DIP2A: variants seen among roughly 807,000 people sequenced by gnomAD.
DIP2A encodes disco-interacting protein 2 homolog A.
Under a neutral mutation model 177.4 loss-of-function variants are expected in DIP2A, and 85 were observed. The observed-to-expected ratio is 0.48, with a 90% CI of 0.40 to 0.57. DIP2A has a LOEUF of 0.57. Among genes scored for constraint, DIP2A ranks in the 20% least tolerant of loss-of-function variants. DIP2A has a pLI of 0.00. For missense variants in DIP2A, 1,791 were observed against 2,100.2 expected (o/e 0.85, Z 2.88); for synonymous variants, 886 against 881.8 (o/e 1.00, Z -0.08).
intron 18 of DIP2A, among the ~76,000 whole-genome samples, chr21:46,543,382 G>A (rs2059897603): frequency 6.6e-6 from 1 of 152,200 alleles, no homozygotes; most frequent in South Asian, 2.1e-4. Context: ...TGTGGATTAG[G>A]ACAGGACATG....
intron 22 of DIP2A, 112 bp downstream of exon 22, chr21:46,549,997 C>A: frequency 6.5e-7 from 1 of 1,539,524 alleles, no homozygotes; most frequent in Non-Finnish European, 8.7e-7. Context: ...CTGGCTCCAG[C>A]TTTGTTTATC....
chr21:46,514,325 A>G (rs2058449961), intron 8 of DIP2A, among the ~76,000 whole-genome samples: 1 of 151,820 alleles, frequency 6.6e-6, no homozygotes, highest in African/African-American at 2.4e-5. Flanking sequence ...AGTCCCAGCT[A>G]CTTGGCAGGC....
chr21:46,502,116 A>C (rs1024453255), intron 5 of DIP2A, among the ~76,000 whole-genome samples: 1 of 152,104 alleles, frequency 6.6e-6, no homozygotes, highest in African/African-American at 2.4e-5. Context: ...AGTTGTCTCT[A>C]CCTAACATAG....
At position 46,490,695 on chromosome 21, in the gene DIP2A, T is replaced by TCGAGGG. The variant is rs1256410697; in HGVS notation, c.260_265dup (p.Arg88_Asp89insAlaArg). The TCGAGGG allele has an allele frequency of 6.3e-7, 1 of 1,585,536 alleles. No individual in the cohort carries two copies. The highest frequency in any genetic ancestry group is 2.3e-5 in the East Asian group (1 of 43,440). On this transcript the variant is annotated inframe_insertion, in exon 3 of 38. Transcript: ENST00000417564. ...GCAGCAGAAGTCTCGGCCCACCGCC[T>TCGAGGG]CGAGGGATGAGCGCTTCCGGTCAGG...
intron 20 of DIP2A, 120 bp downstream of exon 20, chr21:46,546,081 G>T: frequency 6.5e-7 from 1 of 1,547,664 alleles, no homozygotes; most frequent in Admixed American, 1.8e-5. Context: ...TGTGGCCTTG[G>T]TCGGTGGCGC....
intron 8 of DIP2A, among the ~76,000 whole-genome samples, chr21:46,525,891 A>G (rs994970478): frequency 7.0e-6 from 1 of 142,740 alleles, no homozygotes; most frequent in Non-Finnish European, 1.5e-5. Context: ...TATTATTATT[A>G]TTATTATTAT....
At chr21:46,527,855 G>T (rs991508876) in intron 8 of DIP2A, among the ~76,000 whole-genome samples, 1 of 152,008 alleles carries the variant, frequency 6.6e-6, no homozygotes, top group African/African-American at 2.4e-5. Flanking sequence ...TTCAAGTGTG[G>T]GGGGTTAGAC....
chr21:46,495,246 C>CTT (rs1401692204), intron 3 of DIP2A, among the ~76,000 whole-genome samples: 95 of 88,590 alleles, frequency 1.1e-3, no homozygotes, highest in Admixed American at 2.1e-3. Flanking sequence ...TCTCTTCTTT[C>CTT]TCTCTCTCTC....
chr21:46,520,971 G>A (rs2058797326), intron 8 of DIP2A, among the ~76,000 whole-genome samples: 1 of 152,104 alleles, frequency 6.6e-6, no homozygotes, highest in African/African-American at 2.4e-5. Flanking sequence ...TGGAAAGTTT[G>A]TCAAATATTA....
In DIP2A at chr21:46,532,072, C is replaced by G; in HGVS notation, c.1195-55C>G. On this transcript the variant is annotated intron_variant, in intron 9 of 37. Transcript: ENST00000417564. ...TATTTATAACTAGCTTTTAATTTAA[C>G]TAGATATTGTAAAAATTGGAAATTT... 2.0e-6 allele frequency: 3 copies of G among 1,502,386 alleles called. No homozygotes were observed. The South Asian group carries it at 3.7e-5, about 19-fold the overall frequency. The allele number at this position is 1,502,386 out of a possible 1,614,324, so 93.1% of individuals were successfully genotyped here.
In DIP2A at chr21:46,563,893, C is replaced by A; in HGVS notation, c.4125C>A (p.Thr1375=). Residue 1375 remains threonine, a synonymous_variant, in exon 35 of 38, where the codon ACC becomes ACA. Transcript: ENST00000417564. This position sits in a 1 kb window ranked among gnomAD's most constrained non-coding sequence, Gnocchi z 4.3. ...LPGVKVIIAH[T]ETKGPLGDSH... ...GCGTGAAGGTCATCATCGCACACAC[C>A]GAGACCAAAGGACCCTTGGGAGACT... 1 of 1,613,752 alleles carries A rather than the reference C, an allele frequency of 6.2e-7. No homozygotes were observed. Among genetic ancestry groups the A allele is most frequent in the Non-Finnish European group, 8.5e-7 (1 of 1,179,870 alleles).
At chr21:46,463,782 C>T (rs1339010390) in intron 1 of DIP2A, among the ~76,000 whole-genome samples, 12 of 151,562 alleles carry the variant, frequency 7.9e-5, no homozygotes. Flanking sequence ...GATCTCGGCT[C>T]ACTGCAGCCT....
Position 46,566,690 on chromosome 21 carries a change from G to C in DIP2A, c.4463+7G>C, listed in dbSNP as rs775536392. ...ACAGGAGCATCGCTGAGTGGTAAGA[G>C]CCCAGGTGGAGGGCGGCTTCACGTG... On this transcript the variant is annotated splice_region_variant and intron_variant, in intron 37 of 37. Transcript: ENST00000417564. 1 of 1,613,948 alleles carries C rather than the reference G, an allele frequency of 6.2e-7. No homozygotes were observed. The highest frequency in any genetic ancestry group is 8.5e-7 in the Non-Finnish European group (1 of 1,179,942).
chr21:46,543,279 A>C (rs1353508752), intron 18 of DIP2A, among the ~76,000 whole-genome samples: 4 of 152,204 alleles, frequency 2.6e-5, no homozygotes, highest in Non-Finnish European at 5.9e-5. Context: ...AAATACAGGT[A>C]AGTGTTTAAA....
intron 1 of DIP2A, among the ~76,000 whole-genome samples, chr21:46,465,873 C>A (rs2054779337): frequency 6.6e-6 from 1 of 152,074 alleles, no homozygotes; most frequent in South Asian, 2.1e-4. Flanking sequence ...AGTTGCAAAG[C>A]GAACTAGCTG....
intron 5 of DIP2A, among the ~76,000 whole-genome samples, chr21:46,503,618 TTC>T (rs2057797278): frequency 1.3e-5 from 1 of 74,206 alleles, no homozygotes. Flanking sequence ...CTTCCTTTCT[TTC>T]TTTCTTTCTT....
In DIP2A at chr21:46,547,031, C is replaced by T; in HGVS notation, c.2511C>T (p.Val837=). 1 of 1,613,946 alleles carries T rather than the reference C, an allele frequency of 6.2e-7. No individual in the cohort carries two copies. The highest frequency in any genetic ancestry group is 8.5e-7 in the Non-Finnish European group (1 of 1,179,832). Residue 837 remains valine (V), a synonymous_variant, in exon 21 of 38, where the codon GTC becomes GTT. Coordinates refer to ENST00000417564, the MANE Select transcript of DIP2A (RefSeq NM_015151.4). ...TGGCCGTGGAGCCCATGAAGTTTGT[C>T]TACAGAGGCAGGTGATGCGCTGCGG... ...TALAVEPMKF[V]YRGRIAVFSV... is the part of the protein sequence containing the mutation.
chr21:46,565,942 C>A lies in DIP2A; in HGVS notation c.4339+55C>A. On this transcript the variant is annotated intron_variant, in intron 36 of 37. Transcript: ENST00000417564. ...GTGCTGTGCGGGGAGGACCTGGGCT[C>A]CCCAAGAGCTTAGTCACCTGCTAGC... is the stretch of plus-strand genomic sequence containing the variant. 5 of 1,595,094 alleles carry A rather than the reference C, an allele frequency of 3.1e-6. No individual in the cohort carries two copies. In the South Asian group the frequency reaches 5.6e-5, roughly 18 times the overall value.
At position 46,550,001 on chromosome 21, in the gene DIP2A, G is replaced by C. The variant is rs139802198; in HGVS notation, c.2637+116G>C. Reference sequence around the variant, plus strand: ...CCCGGTCCTCCCTGGCTCCAGCTTTGTTTATCTGTATTTTTCATTGCAAAT... The same window carrying C: ...CCCGGTCCTCCCTGGCTCCAGCTTTCTTTATCTGTATTTTTCATTGCAAAT... On this transcript the variant is annotated intron_variant, in intron 22 of 37. Transcript: ENST00000417564. 7.8e-6 allele frequency: 12 copies of C among 1,533,834 alleles called. No individual in the cohort carries two copies. In the African/African-American group the frequency reaches 1.6e-4, roughly 21 times the overall value.
Sources: gnomAD v4.1 joint callset for allele counts (sites outside exome capture counted in the v4.1 genomes callset) on GRCh38, gnomAD v4.1.1 for gene constraint, Gnocchi (gnomAD v3.1) non-coding constraint, MANE v1.5 for transcripts, NCBI Gene and HGNC (gene_info 2026-07-23, HGNC 2026-07-21) for gene names.